PBK: variants seen among roughly 807,000 people sequenced by gnomAD.
PBK encodes the protein lymphokine-activated killer T-cell-originated protein kinase.
A neutral mutation model predicts 33.5 loss-of-function variants in PBK; 22 were observed. That is an observed-to-expected ratio of 0.66 (90% CI 0.47 to 0.94). The LOEUF (loss-of-function observed/expected upper bound fraction) is 0.94, where lower values mean the gene tolerates loss of function less well. Among genes scored for constraint, PBK ranks in the 40% least tolerant of loss-of-function variants. The pLI is 0.00. For synonymous variants in PBK, 129 were observed against 123.8 expected (o/e 1.04, Z -0.28); for missense variants, 376 against 383.4 (o/e 0.98, Z 0.16).
At chr8:27,817,549 CT>C in intron 6 of PBK, among the ~76,000 whole-genome samples, 1 of 144,814 alleles carries the variant, frequency 6.9e-6, no homozygotes, top group Non-Finnish European at 1.5e-5. Context: ...GGTTTTAACC[CT>C]GTTTTTTTTT....
intron 6 of PBK, among the ~76,000 whole-genome samples, chr8:27,813,320 G>A (rs936522365): frequency 2.0e-5 from 3 of 152,106 alleles, no homozygotes; most frequent in African/African-American, 7.2e-5. Context: ...GCCTGTCATG[G>A]GGTAGGGGGG....
At chr8:27,827,254 G>T (rs976661382) in intron 3 of PBK, among the ~76,000 whole-genome samples, 1 of 152,192 alleles carries the variant, frequency 6.6e-6, no homozygotes, top group African/African-American at 2.4e-5. Context: ...ATGATTAAAA[G>T]AAGTAATTTT....
chr8:27,816,432 A>AGT (rs930547408), intron 6 of PBK, among the ~76,000 whole-genome samples: 2 of 150,672 alleles, frequency 1.3e-5, no homozygotes, highest in African/African-American at 4.9e-5. Context: ...ACTGGAGTAC[A>AGT]GTGGCTTGAT....
chr8:27,828,744 CAAAAAAA>C (rs34388320), intron 2 of PBK, among the ~76,000 whole-genome samples: 1 of 82,606 alleles, frequency 1.2e-5, no homozygotes. Flanking sequence ...GACACAGTCT[CAAAAAAA>C]AAAAAAAAAA....
At chr8:27,833,192 A>G (rs1359690602) in intron 1 of PBK, 59 bp from the exon 2 acceptor site, 2 of 896,948 alleles carry the variant, frequency 2.2e-6, no homozygotes, top group African/African-American at 3.4e-5. Flanking sequence ...ACTCTCATTC[A>G]TGAAGAAAAA....
chr8:27,821,928 G>A (rs1210421348), intron 5 of PBK, among the ~76,000 whole-genome samples: 15 of 152,134 alleles, frequency 9.9e-5, no homozygotes, highest in Admixed American at 9.8e-4. Context: ...TAGTCACACA[G>A]TACTTACCAC....
intron 3 of PBK, among the ~76,000 whole-genome samples, chr8:27,825,144 T>TA (rs1329840948): frequency 6.6e-6 from 1 of 152,174 alleles, no homozygotes; most frequent in African/African-American, 2.4e-5. Flanking sequence ...GCAAGTTATT[T>TA]AAAAAGCACG....
intron 6 of PBK, among the ~76,000 whole-genome samples, chr8:27,818,381 A>G (rs528155023): frequency 6.6e-6 from 1 of 152,364 alleles, no homozygotes; most frequent in South Asian, 2.1e-4. Context: ...GCACTATTCT[A>G]GAGTTGAGGA....
chr8:27,829,595 C>T (rs181676501), intron 2 of PBK, among the ~76,000 whole-genome samples: 64 of 152,248 alleles, frequency 4.2e-4, no homozygotes, highest in African/African-American at 9.6e-5. Flanking sequence ...AGGCCTAGCG[C>T]GGTGGCTCAC....
chr8:27,827,187 AAT>A (rs1277358067), intron 3 of PBK, among the ~76,000 whole-genome samples: 2 of 152,198 alleles, frequency 1.3e-5, no homozygotes, highest in Non-Finnish European at 2.9e-5. Flanking sequence ...TGCATTAAGG[AAT>A]ATATATTGAT....
rs115000637 is a variant in PBK at position 27,835,864 on chromosome 8, A to G, written c.-21+1788T>C. ...ACATCCAGCTTCTTCTAAGATTTCTATCTACCTATGTGAAGCTACTCTTCA... is the reference window on the plus strand; with the variant it reads ...ACATCCAGCTTCTTCTAAGATTTCTGTCTACCTATGTGAAGCTACTCTTCA... On this transcript the variant is annotated intron_variant, in intron 1 of 7. Coordinates refer to ENST00000301905, the MANE Select transcript of PBK (RefSeq NM_018492.4). Among the ~76,000 whole-genome samples, 978 of 152,280 alleles carry G rather than the reference A, an allele frequency of 6.4e-3. 14 individuals are homozygous for G. Among genetic ancestry groups the G allele is most frequent in the African/African-American group, 0.023 (941 of 41,538 alleles).
intron 1 of PBK, among the ~76,000 whole-genome samples, chr8:27,833,377 C>T (rs1400096927): frequency 1.3e-5 from 2 of 151,968 alleles, no homozygotes; most frequent in African/African-American, 4.8e-5. Context: ...GGCGTGGTGG[C>T]GCATGCGTGT....
At chr8:27,827,047 C>T (rs1461745517) in intron 3 of PBK, among the ~76,000 whole-genome samples, 4 of 151,880 alleles carry the variant, frequency 2.6e-5, no homozygotes, top group Admixed American at 6.6e-5. Flanking sequence ...TCAGGAATAC[C>T]CATTGTATAT....
intron 5 of PBK, 130 bp from the exon 6 acceptor site, chr8:27,820,824 ATTTTTT>A (rs71553893): frequency 2.7e-6 from 1 of 370,006 alleles, no homozygotes; most frequent in African/African-American, 2.2e-5. Context: ...GCGTTTCAAA[ATTTTTT>A]TTTTTTTTTT....
chr8:27,810,673 A>C (rs1000808695), intron 7 of PBK, among the ~76,000 whole-genome samples, 172 bp from the exon 8 acceptor site: 5 of 152,140 alleles, frequency 3.3e-5, no homozygotes, highest in African/African-American at 2.4e-5. Context: ...GATTTGCTTT[A>C]GTCTTGGATT....
At chr8:27,836,316 T>TAG (rs1342088671) in intron 1 of PBK, among the ~76,000 whole-genome samples, 1 of 151,992 alleles carries the variant, frequency 6.6e-6, no homozygotes, top group African/African-American at 2.4e-5. Flanking sequence ...GCAAGTCAAG[T>TAG]AGAGCATTGT....
intron 3 of PBK, among the ~76,000 whole-genome samples, chr8:27,824,495 G>C (rs1162921324): frequency 6.6e-6 from 1 of 151,788 alleles, no homozygotes; most frequent in African/African-American, 2.4e-5. Flanking sequence ...AGATACAAGA[G>C]AAAAAATATG....
Position 27,822,434 on chromosome 8 carries a change from T to C in PBK, c.350A>G (p.Tyr117Cys). ...GTCATTTAGAGACTTTTCACCTCCATATTCCATAGCAAGACACAGACTGCC... is the reference window on the plus strand; with the variant it reads ...GTCATTTAGAGACTTTTCACCTCCACATTCCATAGCAAGACACAGACTGCC... ...NDGSLCLAMEYGGEKSLNDLI... is the reference protein window; with the variant it reads ...NDGSLCLAMECGGEKSLNDLI... Residue 117 changes from tyrosine to cysteine, a missense_variant, in exon 5 of 8, where the codon TAT (tyrosine) becomes TGT (cysteine). Tyr to Cys is a radical substitution (Grantham distance 194, BLOSUM62 -2). Coordinates refer to ENST00000301905, the MANE Select transcript of PBK (RefSeq NM_018492.4). 6.2e-7 allele frequency: 1 copy of C among 1,612,146 alleles called. No individual in the cohort carries two copies. The highest frequency in any genetic ancestry group is 8.5e-7 in the Non-Finnish European group (1 of 1,178,442).
intron 2 of PBK, among the ~76,000 whole-genome samples, chr8:27,831,839 C>T (rs1458363957): frequency 2.0e-5 from 3 of 152,120 alleles, no homozygotes; most frequent in Non-Finnish European, 1.5e-5. Flanking sequence ...TTGAATAGCC[C>T]TATATCTATT....
Sources: allele counts gnomAD v4.1 joint callset (sites outside exome capture counted in the v4.1 genomes callset), GRCh38; gene constraint gnomAD v4.1.1; transcripts MANE v1.5; gene names NCBI Gene and HGNC (gene_info 2026-07-23, HGNC 2026-07-21).